TMEM117: variants seen among roughly 807,000 people sequenced by gnomAD.
TMEM117 encodes transmembrane protein 117.
Under a neutral mutation model 52.4 loss-of-function variants are expected in TMEM117, and 27 were observed. The ratio of observed to expected loss-of-function variants is 0.51; its 90% CI spans 0.38 to 0.71. The LOEUF is 0.71. TMEM117 is among the 30% of genes least tolerant of loss of function. The pLI, the probability that TMEM117 is intolerant of heterozygous loss-of-function variation, is 0.00. For synonymous variants in TMEM117, 215 were observed against 206.3 expected (o/e 1.04, Z -0.36); for missense variants, 556 against 630.5 (o/e 0.88, Z 1.26).
chr12:44,037,101 C>G (rs1267245952), intron 3 of TMEM117, among the ~76,000 whole-genome samples: 1 of 152,110 alleles, frequency 6.6e-6, no homozygotes, highest in African/African-American at 2.4e-5. Flanking sequence ...AAGCCCCGCT[C>G]CCTTCCAAGT....
intron 5 of TMEM117, among the ~76,000 whole-genome samples, chr12:44,291,894 T>G (rs1679806701): frequency 6.6e-6 from 1 of 152,046 alleles, no homozygotes; most frequent in Non-Finnish European, 1.5e-5. Flanking sequence ...TTGATTACAT[T>G]TTCTTAAAAA....
At chr12:44,040,087 T>A (rs1946773856) in intron 3 of TMEM117, among the ~76,000 whole-genome samples, 1 of 152,160 alleles carries the variant, frequency 6.6e-6, no homozygotes, top group Admixed American at 6.5e-5. Flanking sequence ...CTGTAAATTC[T>A]CCTACCATGG....
At chr12:44,054,707 T>TA (rs1947026179) in intron 3 of TMEM117, among the ~76,000 whole-genome samples, 1 of 152,114 alleles carries the variant, frequency 6.6e-6, no homozygotes, top group Non-Finnish European at 1.5e-5. Flanking sequence ...GATTATTTTT[T>TA]TTTCAATTTT....
intron 3 of TMEM117, among the ~76,000 whole-genome samples, chr12:43,996,068 T>A (rs568495149): frequency 1.3e-5 from 2 of 152,148 alleles, no homozygotes; most frequent in African/African-American, 4.8e-5. Context: ...TAAAAAAAAA[T>A]GACAACAGAA....
At chr12:44,076,456 C>A (rs1262729341) in intron 3 of TMEM117, among the ~76,000 whole-genome samples, 1 of 152,150 alleles carries the variant, frequency 6.6e-6, no homozygotes, top group Non-Finnish European at 1.5e-5. Context: ...GTTACTAATT[C>A]ATCTCTTCTT....
At chr12:44,095,393 G>A (rs1465124649) in intron 3 of TMEM117, among the ~76,000 whole-genome samples, 7 of 152,078 alleles carry the variant, frequency 4.6e-5, no homozygotes, top group South Asian at 4.1e-4. Context: ...AAGCCATTTT[G>A]TATGAATCTT....
chr12:44,284,260 C>T (rs1036825450), intron 5 of TMEM117, among the ~76,000 whole-genome samples: 7 of 151,852 alleles, frequency 4.6e-5, no homozygotes, highest in African/African-American at 7.3e-5. Context: ...TTCAGTGAGC[C>T]GAGATCATGC....
intron 3 of TMEM117, among the ~76,000 whole-genome samples, chr12:44,047,178 G>A (rs761505539): frequency 6.6e-6 from 1 of 151,966 alleles, no homozygotes; most frequent in African/African-American, 2.4e-5. Flanking sequence ...AGATTGCCCC[G>A]ACTAATATAG....
intron 3 of TMEM117, among the ~76,000 whole-genome samples, chr12:43,970,646 T>C (rs1945568623): frequency 6.6e-6 from 1 of 152,164 alleles, no homozygotes; most frequent in African/African-American, 2.4e-5. Flanking sequence ...ATTTAGAAAC[T>C]AAACTTTATC....
At chr12:44,332,644 G>A (rs1951286244) in intron 6 of TMEM117, among the ~76,000 whole-genome samples, 1 of 151,042 alleles carries the variant, frequency 6.6e-6, no homozygotes, top group African/African-American at 2.4e-5. Context: ...ATAAGTCTAT[G>A]AACTTTTTTT....
rs570750347 is a variant in TMEM117 at position 44,253,731 on chromosome 12, G to A, written c.608+42344G>A. The stretch of plus-strand genomic sequence containing the variant: ...CACTTAGAAAATGTGGGCATACAGA[G>A]ATCATTTGTTCAAGGTGATGCACTA... On this transcript the variant is annotated intron_variant, in intron 5 of 7. Coordinates refer to ENST00000266534, the MANE Select transcript of TMEM117 (RefSeq NM_032256.3). 2.0e-4 allele frequency among the ~76,000 whole-genome samples: 30 copies of A among 152,028 alleles called. No individual in the cohort carries two copies. In the East Asian group the frequency reaches 5.6e-3, roughly 28 times the overall value.
In TMEM117 at chr12:44,143,506, T is replaced by C. The variant is rs1473863765; in HGVS notation, c.411-19T>C. ...GACTCTCTGAGTCCGGACAATGTCT[T>C]GTGTGTTTGTTTCCACAGAGCATAT... On this transcript the variant is annotated intron_variant, in intron 3 of 7. Transcript: ENST00000266534. The C allele has an allele frequency of 6.3e-7, 1 of 1,587,724 alleles. No individual in the cohort carries two copies. Among genetic ancestry groups the C allele is most frequent in the Admixed American group, 1.7e-5 (1 of 57,708 alleles).
chr12:44,219,892 T>C (rs1949765982), intron 5 of TMEM117, among the ~76,000 whole-genome samples: 1 of 152,138 alleles, frequency 6.6e-6, no homozygotes, highest in African/African-American at 2.4e-5. Context: ...AATATAATTC[T>C]GGGTAGTCTA....
chr12:44,126,420 C>T (rs928434359), intron 3 of TMEM117, among the ~76,000 whole-genome samples: 2 of 152,158 alleles, frequency 1.3e-5, no homozygotes, highest in Non-Finnish European at 2.9e-5. Flanking sequence ...GAATTTCTCT[C>T]CCTCCTTTTT....
intron 3 of TMEM117, among the ~76,000 whole-genome samples, chr12:44,134,239 G>T (rs993048200): frequency 2.6e-5 from 4 of 152,132 alleles, no homozygotes; most frequent in East Asian, 1.9e-4. Context: ...TTTGAGACAG[G>T]TTATCACTCT....
chr12:44,056,827 T>C (rs1947062859), intron 3 of TMEM117, among the ~76,000 whole-genome samples: 1 of 152,210 alleles, frequency 6.6e-6, no homozygotes, highest in Non-Finnish European at 1.5e-5. Context: ...CGTATTGATA[T>C]ATTAACCTTA....
Position 43,944,290 on chromosome 12 carries a change from T to G in TMEM117, c.358T>G (p.Phe120Val). 1.2e-6 allele frequency: 2 copies of G among 1,613,094 alleles called. No individual in the cohort carries two copies. The highest frequency in any genetic ancestry group is 1.7e-6 in the Non-Finnish European group (2 of 1,179,186). Residue 120 changes from phenylalanine (F) to valine (V), a missense_variant, in exon 3 of 8, where the codon TTC becomes GTC. Phe to Val is a conservative substitution (Grantham distance 50). This residue lies in a region of TMEM117 where 328 missense variants were observed against 371.4 expected (regional missense o/e 0.88). Transcript: ENST00000266534. Reference sequence around the variant, plus strand: ...GTTCTTCAGCACAATTCTCTTTCTCTTCATATTTTCTCACATATACAACAC... The same window carrying G: ...GTTCTTCAGCACAATTCTCTTTCTCGTCATATTTTCTCACATATACAACAC... ...TMFFSTILFL[F>V]IFSHIYNTIL...
intron 5 of TMEM117, among the ~76,000 whole-genome samples, chr12:44,278,229 T>C (rs917991790): frequency 6.6e-6 from 1 of 152,196 alleles, no homozygotes; most frequent in Non-Finnish European, 1.5e-5. Flanking sequence ...ATCATATTCA[T>C]AGGTTCTACT....
At position 44,242,445 on chromosome 12, in the gene TMEM117, G is replaced by A. The variant is rs118005192; in HGVS notation, c.608+31058G>A. ...AAGGATAATGGACTCCAGCTCCATC[G>A]TCATCCCTGCAAAGGACATGATCTC... On this transcript the variant is annotated intron_variant, in intron 5 of 7. Coordinates refer to ENST00000266534, the MANE Select transcript of TMEM117 (RefSeq NM_032256.3). 2.7e-4 allele frequency among the ~76,000 whole-genome samples: 41 copies of A among 151,628 alleles called. No homozygotes were observed. In the East Asian group the frequency reaches 6.8e-3, roughly 25 times the overall value.
Sources: gnomAD v4.1 joint callset for allele counts (sites outside exome capture counted in the v4.1 genomes callset) on GRCh38, gnomAD v4.1.1 for gene constraint, gnomAD v4.1.1 regional missense constraint, MANE v1.5 for transcripts, NCBI Gene and HGNC (gene_info 2026-07-23, HGNC 2026-07-21) for gene names.